CASQ2: variants seen among roughly 807,000 people sequenced by gnomAD.
The protein encoded by CASQ2 is calsequestrin-2.
CASQ2 carries 49 observed loss-of-function variants against 46.5 expected under a neutral mutation model. The observed-to-expected ratio is 1.05, with a 90% CI of 0.84 to 1.34. The LOEUF is 1.34. CASQ2 is among the 40% of genes most tolerant of loss of function. The probability of loss-of-function intolerance (pLI) is 0.00; values close to 1 mark genes in which losing one functional copy is unlikely to be tolerated. For synonymous variants in CASQ2, 174 were observed against 168.5 expected (o/e 1.03, Z -0.25); for missense variants, 486 against 481.3 (o/e 1.01, Z -0.09).
intron 4 of CASQ2, among the ~76,000 whole-genome samples, chr1:115,737,327 AAG>A (rs1206857773): frequency 6.6e-6 from 1 of 152,170 alleles, no homozygotes; most frequent in African/African-American, 2.4e-5. Flanking sequence ...TGAGGTGACT[AAG>A]GATGCTAGTG....
intron 7 of CASQ2, among the ~76,000 whole-genome samples, chr1:115,723,424 C>T (rs1647461804): frequency 6.6e-6 from 1 of 151,972 alleles, no homozygotes; most frequent in African/African-American, 2.4e-5. Flanking sequence ...AAGTTCTTTG[C>T]ACTATTTTGG....
intron 8 of CASQ2, among the ~76,000 whole-genome samples, chr1:115,711,404 TCTC>T (rs1405833260): frequency 6.6e-6 from 1 of 152,034 alleles, no homozygotes; most frequent in Non-Finnish European, 1.5e-5. Context: ...TCCCCTTTCA[TCTC>T]CTCCTCTGAA....
At chr1:115,710,683 G>T (rs1476521093) in intron 8 of CASQ2, among the ~76,000 whole-genome samples, 1 of 152,146 alleles carries the variant, frequency 6.6e-6, no homozygotes, top group Non-Finnish European at 1.5e-5. Flanking sequence ...GTAGTATGAT[G>T]GGTTGGCTAA....
chr1:115,701,381 T>C lies in CASQ2; in HGVS notation c.1060A>G (p.Thr354Ala), dbSNP rs1434685788. The C allele has an allele frequency of 1.9e-6, 3 of 1,613,888 alleles. No individual in the cohort carries two copies. The highest frequency in any genetic ancestry group is 2.2e-5 in the South Asian group (2 of 91,070). Residue 354 changes from threonine to alanine, a missense_variant, in exon 11 of 11, where the codon ACT becomes GCT. Thr to Ala is a moderately conservative substitution (Grantham distance 58). Transcript: ENST00000261448. ...MEIPDDDDLP[T>A]AEELEDWIED... ...ATCCAGTCCTCCAGCTCCTCAGCAG[T>C]TGGAAGATCGTCATCATCTGGAATC...
intron 1 of CASQ2, among the ~76,000 whole-genome samples, chr1:115,750,721 T>G (rs1048084127): frequency 6.6e-6 from 1 of 152,212 alleles, no homozygotes; most frequent in Non-Finnish European, 1.5e-5. Context: ...TTGCCAGGAC[T>G]AGTCTTGAGC....
intron 2 of CASQ2, among the ~76,000 whole-genome samples, chr1:115,743,021 C>T (rs1426056876): frequency 6.6e-6 from 1 of 151,958 alleles, no homozygotes; most frequent in Non-Finnish European, 1.5e-5. Context: ...ATCTCCTGAC[C>T]TTGTGATCCG....
intron 7 of CASQ2, among the ~76,000 whole-genome samples, chr1:115,722,464 G>A (rs558990600): frequency 1.4e-4 from 22 of 152,270 alleles, no homozygotes; most frequent in African/African-American, 3.9e-4. Context: ...AGCAGTGTGG[G>A]ATATGTGAGG....
At chr1:115,709,912 G>A (rs1310793026) in intron 8 of CASQ2, among the ~76,000 whole-genome samples, 1 of 152,130 alleles carries the variant, frequency 6.6e-6, no homozygotes, top group African/African-American at 2.4e-5. Context: ...GTGCAATCAC[G>A]GCTCACTGCA....
At chr1:115,713,486 C>G (rs1261858298) in intron 8 of CASQ2, among the ~76,000 whole-genome samples, 1 of 152,180 alleles carries the variant, frequency 6.6e-6, no homozygotes. Flanking sequence ...TACAGGGTTG[C>G]TGCCTTCCCT....
intron 1 of CASQ2, among the ~76,000 whole-genome samples, chr1:115,749,802 C>T (rs770767550): frequency 3.3e-5 from 5 of 152,202 alleles, no homozygotes; most frequent in African/African-American, 1.2e-4. Context: ...AAATCTGCAG[C>T]TCACATGTTC....
chr1:115,757,495 G>A (rs1648801295), intron 1 of CASQ2, among the ~76,000 whole-genome samples: 2 of 152,194 alleles, frequency 1.3e-5, no homozygotes, highest in South Asian at 2.1e-4. Context: ...TGAATCCTGT[G>A]TGTGTTGCTA....
chr1:115,707,917 A>C (rs563985194), intron 8 of CASQ2, among the ~76,000 whole-genome samples: 1 of 152,340 alleles, frequency 6.6e-6, no homozygotes, highest in East Asian at 1.9e-4. Flanking sequence ...CATAAAGGAA[A>C]GGAGAGTCTA....
chr1:115,712,123 C>A (rs2101063024), intron 8 of CASQ2, among the ~76,000 whole-genome samples: 1 of 152,284 alleles, frequency 6.6e-6, no homozygotes, highest in East Asian at 1.9e-4. Context: ...AGCAGCCCAG[C>A]ATCTGAACTG....
At chr1:115,761,135 G>A (rs867800235) in intron 1 of CASQ2, among the ~76,000 whole-genome samples, 12 of 151,452 alleles carry the variant, frequency 7.9e-5, no homozygotes, top group African/African-American at 2.2e-4. Context: ...TCAGGTGCTC[G>A]GCTCTCAGTT....
At chr1:115,761,355 C>T (rs576384702) in intron 1 of CASQ2, among the ~76,000 whole-genome samples, 10 of 117,784 alleles carry the variant, frequency 8.5e-5, no homozygotes, top group African/African-American at 1.3e-4. Flanking sequence ...TGAGATTGCC[C>T]CACTGCACTC....
chr1:115,718,612 T>C (rs889511033), intron 7 of CASQ2, among the ~76,000 whole-genome samples: 1 of 152,174 alleles, frequency 6.6e-6, no homozygotes, highest in Admixed American at 6.5e-5. Flanking sequence ...CTCCAGTGCA[T>C]TTCTGAGGCT....
At chr1:115,754,069 A>G (rs900384998) in intron 1 of CASQ2, among the ~76,000 whole-genome samples, 1 of 152,142 alleles carries the variant, frequency 6.6e-6, no homozygotes, top group African/African-American at 2.4e-5. Context: ...ATGTCAAGCA[A>G]TTCAACAACT....
At chr1:115,728,527 C>T (rs953511850) in intron 5 of CASQ2, among the ~76,000 whole-genome samples, 6 of 152,090 alleles carry the variant, frequency 3.9e-5, no homozygotes, top group Non-Finnish European at 5.9e-5. Context: ...AAGAAAATGA[C>T]ATTGAATTCT....
chr1:115,766,405 G>A (rs11577217), intron 1 of CASQ2, among the ~76,000 whole-genome samples: 16,887 of 152,116 alleles, frequency 0.11, 1,035 homozygotes, highest in South Asian at 0.24. Context: ...ATTATTGTAA[G>A]GATTAAACAA....
Sources: allele counts gnomAD v4.1 joint callset (sites outside exome capture counted in the v4.1 genomes callset), GRCh38; gene constraint gnomAD v4.1.1; transcripts MANE v1.5; gene names NCBI Gene and HGNC (gene_info 2026-07-23, HGNC 2026-07-21).